Variants in GALNT13 observed in about 807,000 individuals in gnomAD.
GALNT13 encodes polypeptide N-acetylgalactosaminyltransferase 13.
In GALNT13, 28 loss-of-function variants were observed where a neutral mutation model predicts 64.2. That is an observed-to-expected ratio of 0.44 (90% CI 0.32 to 0.60). GALNT13 has a LOEUF of 0.60. Ranked by LOEUF, GALNT13 falls within the 20% of genes least tolerant of loss-of-function variation. GALNT13 has a pLI of 0.05. For synonymous variants in GALNT13, 214 were observed against 224.6 expected, an observed-to-expected ratio of 0.95 and a Z score of 0.42; for missense variants, 577 against 669.8, an observed-to-expected ratio of 0.86 and a Z score of 1.53.
chr2:153,965,820 T>TA (rs1220229519), intron 3 of GALNT13, among the ~76,000 whole-genome samples: 1 of 151,066 alleles, frequency 6.6e-6, no homozygotes, highest in East Asian at 1.9e-4. Flanking sequence ...ACCCAAAAAC[T>TA]AAAAAACTCT....
chr2:153,404,097 T>C, the GALNT13 span, among the ~76,000 whole-genome samples: 3 of 152,330 alleles, frequency 2.0e-5, no homozygotes, highest in African/African-American at 7.2e-5. Context: ...CTCATTGGTG[T>C]GTGGCAAACC....
rs529379687 is a variant in GALNT13, at chr2:154,126,614, G to A, written c.143-13723G>A. ...CGCGCCATTGCACTCCAGCCCGGAC[G>A]ACAGAGCGAGACTCCGTCTCAAAAA... On this transcript the variant is annotated intron_variant, in intron 3 of 12. Transcript: ENST00000392825. Among the ~76,000 whole-genome samples the A allele has an allele frequency of 2.9e-4, 41 of 142,880 alleles. 1 individual carries two copies. The highest frequency in any genetic ancestry group is 9.7e-4 in the African/African-American group (37 of 38,266). 93.7% of individuals were successfully genotyped at this position (142,880 alleles called of 152,430 possible). A position where few individuals can be genotyped will look rare whatever the true frequency, so the allele number is the denominator to read the frequency against.
At chr2:154,010,909 G>C (rs67335822) in intron 3 of GALNT13, among the ~76,000 whole-genome samples, 1 of 151,020 alleles carries the variant, frequency 6.6e-6, no homozygotes, top group African/African-American at 2.4e-5. Context: ...GGGTTTTTTT[G>C]TGTGTGTGTG....
the GALNT13 span, among the ~76,000 whole-genome samples, chr2:153,436,280 T>A: frequency 6.6e-6 from 1 of 152,214 alleles, no homozygotes; most frequent in South Asian, 2.1e-4. Context: ...GATATTGGTC[T>A]AAAATTCTCT....
the GALNT13 span, among the ~76,000 whole-genome samples, chr2:153,686,038 T>A: frequency 1.2e-4 from 18 of 152,196 alleles, no homozygotes; most frequent in African/African-American, 3.9e-4. Flanking sequence ...CTGTTTCAGT[T>A]ACTGTAGCCC....
chr2:153,460,032 A>G, the GALNT13 span, among the ~76,000 whole-genome samples: 1 of 152,166 alleles, frequency 6.6e-6, no homozygotes, highest in Non-Finnish European at 1.5e-5. Context: ...GAGGATTTTT[A>G]AATTAAAATA....
At chr2:154,369,475 G>C (rs1244352803) in intron 9 of GALNT13, among the ~76,000 whole-genome samples, 1 of 152,160 alleles carries the variant, frequency 6.6e-6, no homozygotes, top group South Asian at 2.1e-4. Flanking sequence ...TTGCATGTTT[G>C]CTGATACCAT....
At chr2:154,028,962 C>T (rs572315556) in intron 3 of GALNT13, among the ~76,000 whole-genome samples, 1 of 151,988 alleles carries the variant, frequency 6.6e-6, no homozygotes, top group Non-Finnish European at 1.5e-5. Flanking sequence ...TAGGAGGAGA[C>T]ATGAGCACTT....
chr2:154,269,772 A>G (rs1691220664), intron 8 of GALNT13, among the ~76,000 whole-genome samples: 1 of 150,434 alleles, frequency 6.6e-6, no homozygotes. Flanking sequence ...TTTGCTTTGA[A>G]CCATTGTTTA....
At chr2:154,375,828 A>G (rs1386269140) in intron 9 of GALNT13, among the ~76,000 whole-genome samples, 7 of 152,218 alleles carry the variant, frequency 4.6e-5, no homozygotes. Context: ...TAAGTTTTAA[A>G]AGGGAAAGGC....
At chr2:153,318,305 T>C in the GALNT13 span, among the ~76,000 whole-genome samples, 2 of 152,074 alleles carry the variant, frequency 1.3e-5, no homozygotes, top group Non-Finnish European at 2.9e-5. Context: ...GTGGTGGACA[T>C]GTGGAACAGA....
chr2:153,082,635 A>T, the GALNT13 span, among the ~76,000 whole-genome samples: 2 of 81,072 alleles, frequency 2.5e-5, no homozygotes, highest in Non-Finnish European at 5.2e-5. Context: ...ACACACACAC[A>T]CACACACACA....
chr2:153,963,257 A>G (rs552181797), intron 3 of GALNT13, among the ~76,000 whole-genome samples: 41 of 152,238 alleles, frequency 2.7e-4, no homozygotes, highest in African/African-American at 8.7e-4. Context: ...ACCTCCCTAT[A>G]CCTCCATACT....
chr2:154,023,702 T>C, intron 3 of GALNT13, among the ~76,000 whole-genome samples: 1 of 152,190 alleles, frequency 6.6e-6, no homozygotes, highest in African/African-American at 2.4e-5. Flanking sequence ...AGATTTAAAG[T>C]TAATGTTGTT....
rs1220347330 is a variant in GALNT13 at position 154,452,328 on chromosome 2, A to T, written c.*1777A>T. 6.6e-6 allele frequency: 1 copy of T among 152,086 alleles called. No homozygotes were observed. Among genetic ancestry groups the T allele is most frequent in the East Asian group, 1.9e-4 (1 of 5,180 alleles). The allele number at this position is 152,086 out of a possible 1,614,324, so 9.4% of individuals were successfully genotyped here. A position where few individuals can be genotyped will look rare whatever the true frequency, so the allele number is the denominator to read the frequency against. ...CCAAGAGGCAGTGAACCATTGCCTTAAATTAATAGCAGCCTCTCAAGTCCA... is the reference window on the plus strand; with the variant it reads ...CCAAGAGGCAGTGAACCATTGCCTTTAATTAATAGCAGCCTCTCAAGTCCA... On this transcript the variant is annotated 3_prime_UTR_variant, in exon 13 of 13. Transcript: ENST00000392825.
At chr2:153,600,737 A>G in the GALNT13 span, among the ~76,000 whole-genome samples, 2 of 152,048 alleles carry the variant, frequency 1.3e-5, no homozygotes, top group Admixed American at 6.6e-5. Context: ...TAAAGAATTA[A>G]CTTTCTCAGT....
chr2:154,293,954 T>C (rs1437953583), intron 8 of GALNT13, among the ~76,000 whole-genome samples: 1 of 152,236 alleles, frequency 6.6e-6, no homozygotes, highest in Admixed American at 6.5e-5. Context: ...TGAGTAGATA[T>C]TAACTTAGTA....
At chr2:153,274,622 G>A in the GALNT13 span, among the ~76,000 whole-genome samples, 2 of 152,128 alleles carry the variant, frequency 1.3e-5, no homozygotes, top group East Asian at 1.9e-4. Flanking sequence ...ATGACTCTTG[G>A]GTGAGTCAAA....
At chr2:153,258,750 C>T in the GALNT13 span, among the ~76,000 whole-genome samples, 1 of 151,878 alleles carries the variant, frequency 6.6e-6, no homozygotes, top group Non-Finnish European at 1.5e-5. Context: ...GTTTAATTTC[C>T]TTGTGTTTGT....
Sources: allele counts gnomAD v4.1 joint callset (sites outside exome capture counted in the v4.1 genomes callset), GRCh38; gene constraint gnomAD v4.1.1; transcripts MANE v1.5; gene names NCBI Gene and HGNC (gene_info 2026-07-23, HGNC 2026-07-21).